Variants in STAG1 observed in about 807,000 individuals in gnomAD.
STAG1 encodes cohesin subunit SA-1.
Under a neutral mutation model 170.9 loss-of-function variants are expected in STAG1, and 26 were observed. The ratio of observed to expected loss-of-function variants is 0.15; its 90% CI spans 0.11 to 0.21. The LOEUF (loss-of-function observed/expected upper bound fraction) is 0.21, where lower values mean the gene tolerates loss of function less well. Ranked by LOEUF, STAG1 falls within the 10% of genes least tolerant of loss-of-function variation. The pLI is 1.00. For missense variants in STAG1, 964 were observed against 1,509.5 expected, an observed-to-expected ratio of 0.64 and a Z score of 5.99; for synonymous variants, 514 against 497.7, an observed-to-expected ratio of 1.03 and a Z score of -0.44.
chr3:136,401,320 T>A (rs1479658347), intron 21 of STAG1, among the ~76,000 whole-genome samples: 1 of 152,210 alleles, frequency 6.6e-6, no homozygotes, highest in Non-Finnish European at 1.5e-5. Flanking sequence ...TACGTTGTAA[T>A]CCTTAATCAA....
In STAG1 at chr3:136,543,721, G is replaced by A. The variant is rs1022775006; in HGVS notation, c.395-1526C>T. On this transcript the variant is annotated intron_variant, in intron 5 of 33. Transcript: ENST00000383202. ...TGATAATATCACTGCAGAGCAGAGA[G>A]CCTTTCTTCAATGTTCTAACTGCTA... Among the ~76,000 whole-genome samples, 5 of 152,156 alleles carry A rather than the reference G, an allele frequency of 3.3e-5. No individual in the cohort carries two copies. In the East Asian group the frequency reaches 7.7e-4, roughly 23 times the overall value.
In STAG1 at chr3:136,433,542, C is replaced by T; in HGVS notation, c.1650+14G>A. 1 of 1,586,552 alleles carries T rather than the reference C, an allele frequency of 6.3e-7. No individual in the cohort carries two copies. Among genetic ancestry groups the T allele is most frequent in the Non-Finnish European group, 8.6e-7 (1 of 1,164,766 alleles). ...TAAAAACCTTTTAGGAGATTTCTCA[C>T]TAATGTAACTTACTCTCTTGCCGGT... is the stretch of plus-strand genomic sequence containing the variant. On this transcript the variant is annotated intron_variant, in intron 16 of 33. Transcript: ENST00000383202.
rs1034695300 is a variant in STAG1, at chr3:136,619,323, G to C, written c.132+3823C>G. Among the ~76,000 whole-genome samples, 6 of 149,442 alleles carry C rather than the reference G, an allele frequency of 4.0e-5. No individual in the cohort carries two copies. In the Admixed American group the frequency reaches 4.1e-4, roughly 10 times the overall value. On this transcript the variant is annotated intron_variant, in intron 3 of 33. Transcript: ENST00000383202. ...CTAGTAAATAGCAGAAGACACACTA[G>C]ATAAAAATTCCTGCCTTCACACAAC...
chr3:136,490,203 T>C lies in STAG1; in HGVS notation c.902+10020A>G, dbSNP rs529024514. ...TTACAGGCACAGACCATCACACCCCTTTTTTTTTTGTATTATTAGTAGAGA... is the reference window on the plus strand; with the variant it reads ...TTACAGGCACAGACCATCACACCCCCTTTTTTTTTGTATTATTAGTAGAGA... On this transcript the variant is annotated intron_variant, in intron 9 of 33. Coordinates refer to ENST00000383202, the MANE Select transcript of STAG1 (RefSeq NM_005862.3). Among the ~76,000 whole-genome samples, 349 of 146,720 alleles carry C rather than the reference T, an allele frequency of 2.4e-3. 2 individuals are homozygous for C. The highest frequency in any genetic ancestry group is 8.0e-3 in the African/African-American group (324 of 40,328).
intron 28 of STAG1, among the ~76,000 whole-genome samples, chr3:136,356,810 T>A (rs541150544): frequency 6.6e-6 from 1 of 152,226 alleles, no homozygotes; most frequent in South Asian, 2.1e-4. Flanking sequence ...TGGAGTGGAG[T>A]GGCATGATCG....
At chr3:136,396,263 G>A (rs994108352) in intron 22 of STAG1, among the ~76,000 whole-genome samples, 10 of 145,296 alleles carry the variant, frequency 6.9e-5, no homozygotes, top group South Asian at 2.2e-4. Context: ...TCGCCCAGGC[G>A]GGGGTGCAGC....
rs1311885279 is a variant in STAG1 at position 136,477,184 on chromosome 3, CAT to C, written c.1026+103_1026+104del. ...CAGCTGCATCATCTTAAAATTTCCA[CAT>C]GATTACAACTCCTGAAAAATCAACT... On this transcript the variant is annotated intron_variant, in intron 10 of 33. Transcript: ENST00000383202. 3.1e-6 allele frequency: 4 copies of C among 1,274,004 alleles called. No individual in the cohort carries two copies. The East Asian group carries it at 7.5e-5, about 24-fold the overall frequency. The allele number at this position is 1,274,004 out of a possible 1,614,324, so 78.9% of individuals were successfully genotyped here. A position where few individuals can be genotyped will look rare whatever the true frequency, so the allele number is the denominator to read the frequency against.
intron 1 of STAG1, among the ~76,000 whole-genome samples, chr3:136,641,334 C>G (rs992125582): frequency 4.6e-5 from 7 of 152,018 alleles, no homozygotes; most frequent in Admixed American, 3.9e-4. Context: ...AGAACTTACA[C>G]AGAATATCAA....
chr3:136,502,852 C>A, intron 7 of STAG1, 73 bp from the exon 8 acceptor site: 1 of 1,191,256 alleles, frequency 8.4e-7, no homozygotes. Context: ...ATTTATAAAG[C>A]CAATGGATGA....
chr3:136,396,209 G>GTTTTTTTT (rs1157402968), intron 22 of STAG1, among the ~76,000 whole-genome samples: 3 of 87,952 alleles, frequency 3.4e-5, no homozygotes, highest in Admixed American at 1.6e-4. Context: ...GTGTAACACA[G>GTTTTTTTT]TTTTTTTTTT....
At position 136,521,356 on chromosome 3, in the gene STAG1, A is replaced by T; in HGVS notation, c.533T>A (p.Phe178Tyr). 6.2e-7 allele frequency: 1 copy of T among 1,613,722 alleles called. No individual in the cohort carries two copies. Among genetic ancestry groups the T allele is most frequent in the Non-Finnish European group, 8.5e-7 (1 of 1,179,768 alleles). Residue 178 changes from phenylalanine (F) to tyrosine (Y), a missense_variant, in exon 7 of 34, where the codon TTT becomes TAT. This residue lies in a region of STAG1 where 40 missense variants were observed against 44.1 expected (regional missense o/e 0.91). Transcript: ENST00000383202. ...GPQWKKFRSN[F>Y]CEFIGVLIRQ... ...AATCAGGACTCCAATAAATTCACAA[A>T]AGTTTGAACGAAATTTTTTCCACTG...
chr3:136,590,502 G>GA (rs1199757543), intron 4 of STAG1, among the ~76,000 whole-genome samples: 1,510 of 132,948 alleles, frequency 0.011, 23 homozygotes, highest in African/African-American at 0.034. Flanking sequence ...CAAAAAAAAA[G>GA]AAAAAAAAAA....
At chr3:136,498,386 C>T (rs1161852914) in intron 9 of STAG1, among the ~76,000 whole-genome samples, 3 of 148,496 alleles carry the variant, frequency 2.0e-5, no homozygotes, top group East Asian at 4.0e-4. Flanking sequence ...AAGCCAGATC[C>T]GCCCACAAAA....
intron 7 of STAG1, among the ~76,000 whole-genome samples, chr3:136,510,613 G>GT (rs869278058): frequency 0.011 from 1,392 of 131,106 alleles, 8 homozygotes; most frequent in African/African-American, 0.022. Context: ...GGATGTCTTT[G>GT]TTTTTTTTTT....
intron 15 of STAG1, among the ~76,000 whole-genome samples, chr3:136,435,589 T>C (rs2088436185): frequency 6.6e-6 from 1 of 152,322 alleles, no homozygotes; most frequent in Non-Finnish European, 1.5e-5. Context: ...AAATACAATA[T>C]AGCTTTTCAG....
intron 5 of STAG1, among the ~76,000 whole-genome samples, chr3:136,557,376 G>A (rs1359326438): frequency 6.6e-6 from 1 of 151,822 alleles, no homozygotes; most frequent in Non-Finnish European, 1.5e-5. Context: ...AAAAACTGAA[G>A]GACTTTTCAC....
intron 6 of STAG1, among the ~76,000 whole-genome samples, chr3:136,529,990 A>G (rs1266951424): frequency 6.6e-6 from 1 of 152,176 alleles, no homozygotes; most frequent in Non-Finnish European, 1.5e-5. Flanking sequence ...GCCCACAAGT[A>G]ATGCACTTTA....
intron 4 of STAG1, among the ~76,000 whole-genome samples, chr3:136,583,487 T>C (rs1937647245): frequency 6.6e-6 from 1 of 152,128 alleles, no homozygotes; most frequent in Non-Finnish European, 1.5e-5. Context: ...CTCACCTGAT[T>C]CTCACATGAA....
intron 9 of STAG1, among the ~76,000 whole-genome samples, chr3:136,493,576 GC>G (rs1161455367): frequency 5.3e-5 from 8 of 149,720 alleles, no homozygotes. Context: ...TACTGCTTGA[GC>G]CCGTGAAGTC....
Sources: allele counts gnomAD v4.1 joint callset (sites outside exome capture counted in the v4.1 genomes callset), GRCh38; gene constraint gnomAD v4.1.1; regional missense constraint gnomAD v4.1.1; transcripts MANE v1.5; gene names NCBI Gene and HGNC (gene_info 2026-07-23, HGNC 2026-07-21).